The following OSTF1 variants were observed in gnomAD, a reference collection of about 807,000 sequenced individuals.
OSTF1 encodes osteoclast-stimulating factor 1.
OSTF1 carries 27 observed loss-of-function variants against 37.2 expected under a neutral mutation model. The ratio of observed to expected loss-of-function variants is 0.73; its 90% CI spans 0.54 to 1.00. The LOEUF (loss-of-function observed/expected upper bound fraction) is 1.00. Ranked by LOEUF, OSTF1 falls within the 50% of genes least tolerant of loss-of-function variation. The pLI is 0.00. For missense variants in OSTF1, 232 were observed against 253.8 expected (o/e 0.91, Z 0.58); for synonymous variants, 82 against 89.2 (o/e 0.92, Z 0.46).
intron 1 of OSTF1, among the ~76,000 whole-genome samples, chr9:75,100,746 A>AT (rs1372125870): frequency 6.6e-6 from 1 of 151,362 alleles, no homozygotes; most frequent in East Asian, 1.9e-4. Flanking sequence ...AAAAAAAAAA[A>AT]GTTTCTGAGC....
At chr9:75,104,283 A>C (rs1204940038) in intron 1 of OSTF1, among the ~76,000 whole-genome samples, 1 of 152,004 alleles carries the variant, frequency 6.6e-6, no homozygotes, top group Non-Finnish European at 1.5e-5. Context: ...AGTGGCTCAC[A>C]CCTGTAATCC....
chr9:75,122,833 A>T (rs1825602011), intron 2 of OSTF1, among the ~76,000 whole-genome samples: 1 of 152,234 alleles, frequency 6.6e-6, no homozygotes, highest in African/African-American at 2.4e-5. Context: ...TAAAGTGTTG[A>T]ATAAAAACAT....
rs1476336835 is a variant in OSTF1, at chr9:75,137,622, G to A, written c.487+6G>A. On this transcript the variant is annotated splice_donor_region_variant and intron_variant, in intron 8 of 9. Transcript: ENST00000346234. ...CCAGTTGCTTCTGGCAAAAGGTAAA[G>A]TTTGTGCTGAGTTTATCTGGTCTTT... 6.3e-7 allele frequency: 1 copy of A among 1,595,254 alleles called. No homozygotes were observed. The highest frequency in any genetic ancestry group is 2.2e-5 in the East Asian group (1 of 44,798).
chr9:75,110,534 TATC>T (rs913602477), intron 1 of OSTF1, among the ~76,000 whole-genome samples: 8 of 152,186 alleles, frequency 5.3e-5, no homozygotes, highest in Admixed American at 2.0e-4. Flanking sequence ...ATGTAGTAGT[TATC>T]ATAGCCATTG....
At chr9:75,109,133 C>T (rs1210618166) in intron 1 of OSTF1, among the ~76,000 whole-genome samples, 2 of 151,756 alleles carry the variant, frequency 1.3e-5, no homozygotes, top group East Asian at 3.9e-4. Context: ...CTGCCTCAGC[C>T]TCCCAACTAG....
chr9:75,139,517 C>T (rs1034571209), intron 8 of OSTF1, among the ~76,000 whole-genome samples: 2 of 152,180 alleles, frequency 1.3e-5, no homozygotes, highest in African/African-American at 2.4e-5. Flanking sequence ...CAGTCTCCGC[C>T]TCCTGGATTC....
chr9:75,096,740 T>A (rs1442031703), intron 1 of OSTF1, among the ~76,000 whole-genome samples: 1 of 152,176 alleles, frequency 6.6e-6, no homozygotes, highest in East Asian at 1.9e-4. Flanking sequence ...AATCCATATT[T>A]GGGGAGAAGA....
chr9:75,093,236 T>C (rs3780178), intron 1 of OSTF1, among the ~76,000 whole-genome samples: 39,760 of 151,934 alleles, frequency 0.26, 6,067 homozygotes, highest in East Asian at 0.42. Flanking sequence ...GTACAACCTC[T>C]TAGTTTTACA....
chr9:75,103,519 T>A (rs1825231897), intron 1 of OSTF1, among the ~76,000 whole-genome samples: 2 of 152,244 alleles, frequency 1.3e-5, no homozygotes, highest in Admixed American at 1.3e-4. Context: ...TTGTTTTACA[T>A]AGCTGATTGC....
chr9:75,139,620 G>T (rs536376532), intron 8 of OSTF1, among the ~76,000 whole-genome samples: 2 of 152,126 alleles, frequency 1.3e-5, no homozygotes, highest in African/African-American at 4.8e-5. Context: ...GTAGAGATGG[G>T]CCATGTTGGT....
intron 1 of OSTF1, among the ~76,000 whole-genome samples, chr9:75,109,880 G>A (rs1825354090): frequency 6.6e-6 from 1 of 152,190 alleles, no homozygotes; most frequent in African/African-American, 2.4e-5. Context: ...GCTTAGCAAT[G>A]CTGGTATTGT....
intron 1 of OSTF1, among the ~76,000 whole-genome samples, chr9:75,109,518 T>G (rs903145420): frequency 2.6e-5 from 4 of 152,252 alleles, no homozygotes; most frequent in Non-Finnish European, 5.9e-5. Context: ...TTATGTATAG[T>G]GTACACTGGT....
chr9:75,093,060 C>CTTTTT (rs1433476660), intron 1 of OSTF1, among the ~76,000 whole-genome samples: 8 of 134,946 alleles, frequency 5.9e-5, no homozygotes, highest in African/African-American at 1.5e-4. Context: ...CTCTTTCTTT[C>CTTTTT]TTTCTTTTTT....
intron 1 of OSTF1, among the ~76,000 whole-genome samples, chr9:75,103,103 A>C (rs1482363790): frequency 1.3e-5 from 2 of 150,722 alleles, no homozygotes. Flanking sequence ...CCCATGCAAC[A>C]TAATGATACT....
intron 1 of OSTF1, among the ~76,000 whole-genome samples, chr9:75,102,920 T>G (rs1825218889): frequency 6.6e-6 from 1 of 152,180 alleles, no homozygotes; most frequent in Admixed American, 6.5e-5. Context: ...GCATGGCAAT[T>G]TTTTTTCATG....
At chr9:75,089,275 T>C (rs1824894199) in intron 1 of OSTF1, among the ~76,000 whole-genome samples, 1 of 149,548 alleles carries the variant, frequency 6.7e-6, no homozygotes, top group Non-Finnish European at 1.5e-5. Flanking sequence ...AAAAACCCTA[T>C]ACTCGCGCTC....
At chr9:75,100,394 T>A (rs1028230373) in intron 1 of OSTF1, among the ~76,000 whole-genome samples, 7 of 152,128 alleles carry the variant, frequency 4.6e-5, no homozygotes, top group African/African-American at 1.7e-4. Context: ...GATAAAATGA[T>A]CTTCTGGGCA....
chr9:75,136,350 T>C (rs1825842906), intron 7 of OSTF1, among the ~76,000 whole-genome samples: 1 of 152,206 alleles, frequency 6.6e-6, no homozygotes, highest in Non-Finnish European at 1.5e-5. Flanking sequence ...TTTACTAAAA[T>C]ATTGTAGGCT....
At chr9:75,141,653 A>G (rs974959644) in intron 9 of OSTF1, among the ~76,000 whole-genome samples, 1 of 152,272 alleles carries the variant, frequency 6.6e-6, no homozygotes. Flanking sequence ...TGAGGATATC[A>G]GTAAACTGTA....
Sources: gnomAD v4.1 joint callset for allele counts (sites outside exome capture counted in the v4.1 genomes callset) on GRCh38, gnomAD v4.1.1 for gene constraint, MANE v1.5 for transcripts, NCBI Gene and HGNC (gene_info 2026-07-23, HGNC 2026-07-21) for gene names.